Variants in PREX1 observed in about 807,000 individuals in gnomAD.
PREX1 encodes phosphatidylinositol 3,4,5-trisphosphate-dependent Rac exchanger 1 protein.
PREX1 carries 41 observed loss-of-function variants against 198.3 expected under a neutral mutation model. The ratio of observed to expected loss-of-function variants is 0.21; its 90% CI spans 0.16 to 0.27. The LOEUF is 0.27. PREX1 is among the 10% of genes least tolerant of loss of function. The pLI is 1.00. For missense variants in PREX1, 1,620 were observed against 2,200.7 expected, an observed-to-expected ratio of 0.74 and a Z score of 5.28; for synonymous variants, 843 against 887.2, an observed-to-expected ratio of 0.95 and a Z score of 0.89.
At chr20:48,645,162 G>C (rs1436372935) in intron 26 of PREX1, among the ~76,000 whole-genome samples, 1 of 152,202 alleles carries the variant, frequency 6.6e-6, no homozygotes, top group East Asian at 1.9e-4. Flanking sequence ...GAACATTCAC[G>C]CTGCGAGGAC....
At chr20:48,690,663 C>T (rs1039964496) in intron 9 of PREX1, among the ~76,000 whole-genome samples, 9 of 152,150 alleles carry the variant, frequency 5.9e-5, no homozygotes, top group African/African-American at 1.9e-4. Context: ...CAGGGCTATG[C>T]GCAGGAAAGG....
intron 5 of PREX1, among the ~76,000 whole-genome samples, chr20:48,718,568 T>C (rs1001512588): frequency 3.3e-5 from 5 of 152,132 alleles, no homozygotes; most frequent in African/African-American, 1.2e-4. Flanking sequence ...TAAATATAAG[T>C]GGACGAAACG....
chr20:48,887,203 C>T, the PREX1 span, among the ~76,000 whole-genome samples: 1 of 152,332 alleles, frequency 6.6e-6, no homozygotes, highest in African/African-American at 2.4e-5. Flanking sequence ...ATACATACCT[C>T]CGTGCCTCAG....
At chr20:48,833,707 G>C in the PREX1 span, among the ~76,000 whole-genome samples, 1 of 152,142 alleles carries the variant, frequency 6.6e-6, no homozygotes, top group Non-Finnish European at 1.5e-5. Flanking sequence ...CTCCCAAAAT[G>C]CTGGGATTAC....
At chr20:48,630,057 G>T (rs1050844606) in intron 36 of PREX1, among the ~76,000 whole-genome samples, 2 of 152,150 alleles carry the variant, frequency 1.3e-5, no homozygotes, top group South Asian at 4.1e-4. Flanking sequence ...GTGCTGCGGG[G>T]ACATTCTGCC....
intron 6 of PREX1, among the ~76,000 whole-genome samples, chr20:48,705,473 C>T (rs986184032): frequency 6.6e-6 from 1 of 152,226 alleles, no homozygotes; most frequent in African/African-American, 2.4e-5. Flanking sequence ...TGTCAGACAT[C>T]TTTCAAGAGA....
intron 7 of PREX1, among the ~76,000 whole-genome samples, chr20:48,694,551 G>A (rs186962802): frequency 2.0e-5 from 3 of 152,286 alleles, no homozygotes; most frequent in East Asian, 3.9e-4. Flanking sequence ...GTGAAGATAC[G>A]GCAGAAAATG....
chr20:48,661,444 A>AAAAAAAAAAAAAAAAAAT (rs1555832820), intron 15 of PREX1, among the ~76,000 whole-genome samples: 1 of 49,598 alleles, frequency 2.0e-5, no homozygotes, highest in Non-Finnish European at 3.1e-5. Context: ...AAAAAAAAAA[A>AAAAAAAAAAAAAAAAAAT]ATATATATAT....
chr20:48,862,724 G>T, the PREX1 span, among the ~76,000 whole-genome samples: 2 of 145,904 alleles, frequency 1.4e-5, no homozygotes, highest in South Asian at 2.1e-4. Flanking sequence ...CTGTATAGGG[G>T]GTATATGTGT....
chr20:48,642,377 G>C lies in PREX1; in HGVS notation c.3684+30C>G. The C allele has an allele frequency of 3.1e-6, 5 of 1,608,558 alleles. No individual in the cohort carries two copies. In the African/African-American group the frequency reaches 4.0e-5, roughly 13 times the overall value. Reference sequence around the variant, plus strand: ...CCAGGTGTGACAGGAGGAACCCAAAGTTGCGCCAGGAGTGGGGCAAAGGTC... The same window carrying C: ...CCAGGTGTGACAGGAGGAACCCAAACTTGCGCCAGGAGTGGGGCAAAGGTC... On this transcript the variant is annotated intron_variant, in intron 28 of 39. Transcript: ENST00000371941.
chr20:48,868,049 A>G, the PREX1 span, among the ~76,000 whole-genome samples: 1 of 152,120 alleles, frequency 6.6e-6, no homozygotes, highest in Non-Finnish European at 1.5e-5. Flanking sequence ...TGTTCAGTAC[A>G]TTCTCACTGT....
chr20:48,840,650 A>C, the PREX1 span, among the ~76,000 whole-genome samples: 2 of 152,172 alleles, frequency 1.3e-5, no homozygotes, highest in Non-Finnish European at 2.9e-5. Context: ...GGCAGGCTCA[A>C]TGGGGCTACC....
intron 1 of PREX1, among the ~76,000 whole-genome samples, chr20:48,754,778 A>G (rs1405564346): frequency 6.6e-6 from 1 of 151,904 alleles, no homozygotes; most frequent in African/African-American, 2.4e-5. Context: ...CCCCAACATG[A>G]TCTGGGTGGC....
intron 1 of PREX1, among the ~76,000 whole-genome samples, chr20:48,782,320 A>G (rs1353598162): frequency 6.6e-6 from 1 of 152,062 alleles, no homozygotes; most frequent in Non-Finnish European, 1.5e-5. Flanking sequence ...GTCTTACAAG[A>G]TCTGATGGTT....
At chr20:48,648,977 A>G (rs946085626) in intron 25 of PREX1, among the ~76,000 whole-genome samples, 4 of 152,196 alleles carry the variant, frequency 2.6e-5, no homozygotes, top group Non-Finnish European at 5.9e-5. Context: ...TCTCTCCAGA[A>G]TCTTTCAGCA....
At chr20:48,874,179 A>G in the PREX1 span, among the ~76,000 whole-genome samples, 1 of 152,176 alleles carries the variant, frequency 6.6e-6, no homozygotes, top group Non-Finnish European at 1.5e-5. Context: ...TAAATGAGGA[A>G]TCTGGGGTTA....
At chr20:48,641,059 G>C (rs1177974673) in intron 29 of PREX1, among the ~76,000 whole-genome samples, 1 of 152,006 alleles carries the variant, frequency 6.6e-6, no homozygotes, top group Non-Finnish European at 1.5e-5. Flanking sequence ...ACAGTGGGAG[G>C]GTAGATGGGT....
At chr20:48,724,586 T>C (rs1318410704) in intron 5 of PREX1, among the ~76,000 whole-genome samples, 3 of 152,216 alleles carry the variant, frequency 2.0e-5, no homozygotes, top group African/African-American at 7.2e-5. Context: ...CTCTGCTACA[T>C]ATTCTTCTGG....
At chr20:48,724,774 C>T (rs2090002297) in intron 5 of PREX1, among the ~76,000 whole-genome samples, 1 of 152,238 alleles carries the variant, frequency 6.6e-6, no homozygotes, top group Admixed American at 6.5e-5. Flanking sequence ...AATCCAAGTT[C>T]GAAAGACACA....
Sources: allele counts gnomAD v4.1 joint callset (sites outside exome capture counted in the v4.1 genomes callset), GRCh38; gene constraint gnomAD v4.1.1; transcripts MANE v1.5; gene names NCBI Gene and HGNC (gene_info 2026-07-23, HGNC 2026-07-21).